Variants in TBPL1 observed in about 807,000 individuals in gnomAD.
The protein encoded by TBPL1 is TATA box-binding protein-like 1.
Under a neutral mutation model 22.1 loss-of-function variants are expected in TBPL1, and 4 were observed. That is an observed-to-expected ratio of 0.18 (90% CI 0.09 to 0.41). TBPL1 has a LOEUF of 0.41. TBPL1 is among the 10% of genes least tolerant of loss of function. The probability of loss-of-function intolerance (pLI) is 1.00; values close to 1 mark genes in which losing one functional copy is unlikely to be tolerated. For missense variants in TBPL1, 115 were observed against 222.3 expected, an observed-to-expected ratio of 0.52 and a Z score of 3.07; for synonymous variants, 64 against 71.0, an observed-to-expected ratio of 0.90 and a Z score of 0.50.
At chr6:133,964,603 C>T (rs1050683134) in intron 1 of TBPL1, among the ~76,000 whole-genome samples, 5 of 151,730 alleles carry the variant, frequency 3.3e-5, no homozygotes, top group African/African-American at 1.2e-4. Flanking sequence ...GTGCCTGCCA[C>T]CACTCCAGGC....
intron 1 of TBPL1, among the ~76,000 whole-genome samples, chr6:133,970,806 G>T (rs1776207045): frequency 6.6e-6 from 1 of 151,942 alleles, no homozygotes; most frequent in South Asian, 2.1e-4. Context: ...TATCTGTGTT[G>T]CCCAGGCTGG....
At chr6:133,962,599 A>G (rs1776043523) in intron 1 of TBPL1, among the ~76,000 whole-genome samples, 1 of 152,224 alleles carries the variant, frequency 6.6e-6, no homozygotes, top group African/African-American at 2.4e-5. Flanking sequence ...TTTAATAGAT[A>G]TGCCTAATAG....
chr6:133,976,231 A>C (rs1190898480), intron 1 of TBPL1, among the ~76,000 whole-genome samples: 1 of 152,218 alleles, frequency 6.6e-6, no homozygotes, highest in South Asian at 2.1e-4. Context: ...AATTAAACGA[A>C]ATAATTTGGA....
At chr6:133,978,310 G>A (rs1293762644) in intron 1 of TBPL1, among the ~76,000 whole-genome samples, 3 of 152,146 alleles carry the variant, frequency 2.0e-5, no homozygotes, top group Non-Finnish European at 4.4e-5. Flanking sequence ...TATATGCTAA[G>A]TACTTTTCAT....
intron 2 of TBPL1, 21 bp downstream of exon 2, chr6:133,980,281 A>G (rs1431754703): frequency 1.9e-6 from 3 of 1,592,438 alleles, no homozygotes; most frequent in Non-Finnish European, 8.5e-7. Context: ...GAGTTTTCGT[A>G]TTTGTACTAC....
intron 1 of TBPL1, among the ~76,000 whole-genome samples, chr6:133,957,609 G>A (rs537587774): frequency 6.6e-6 from 1 of 152,294 alleles, no homozygotes; most frequent in Non-Finnish European, 1.5e-5. Flanking sequence ...AATCAGTTAC[G>A]TTTTCTTGAG....
chr6:133,985,319 T>A lies in TBPL1; in HGVS notation c.481+648T>A, dbSNP rs1226522714. Among the ~76,000 whole-genome samples the A allele has an allele frequency of 9.4e-3, 536 of 57,060 alleles. 76 individuals carry two copies. The highest frequency in any genetic ancestry group is 0.014 in the Non-Finnish European group (330 of 23,030). The allele number at this position is 57,060 out of a possible 152,430, so 37.4% of individuals were successfully genotyped here. On this transcript the variant is annotated intron_variant, in intron 6 of 6. Coordinates refer to ENST00000237264, the MANE Select transcript of TBPL1 (RefSeq NM_004865.4). ...AAAAATATATATATATATATATATATATATATATATATATATATACACACA... is the reference window on the plus strand; with the variant it reads ...AAAAATATATATATATATATATATAAATATATATATATATATATACACACA...
chr6:133,961,653 A>G (rs1490050454), intron 1 of TBPL1, among the ~76,000 whole-genome samples: 2 of 151,670 alleles, frequency 1.3e-5, no homozygotes, highest in Non-Finnish European at 2.9e-5. Context: ...TTTAGTAGAG[A>G]TGGGGTTTCA....
Position 133,988,595 on chromosome 6 carries a change from T to C in TBPL1, c.*1555T>C, listed in dbSNP as rs1247387281. 1 of 152,214 alleles carries C rather than the reference T, an allele frequency of 6.6e-6. No individual in the cohort carries two copies. Among genetic ancestry groups the C allele is most frequent in the Non-Finnish European group, 1.5e-5 (1 of 68,038 alleles). The allele number at this position is 152,214 out of a possible 1,614,324, so 9.4% of individuals were successfully genotyped here. On this transcript the variant is annotated 3_prime_UTR_variant, in exon 7 of 7. Coordinates refer to ENST00000237264, the MANE Select transcript of TBPL1 (RefSeq NM_004865.4). Reference sequence around the variant, plus strand: ...TAGGCACTGCACTGAACAACACATATTATTTTTATCTTTTTTCTTCTCAAT... The same window carrying C: ...TAGGCACTGCACTGAACAACACATACTATTTTTATCTTTTTTCTTCTCAAT...
At chr6:133,971,785 C>A (rs946518379) in intron 1 of TBPL1, among the ~76,000 whole-genome samples, 1 of 151,876 alleles carries the variant, frequency 6.6e-6, no homozygotes, top group African/African-American at 2.4e-5. Context: ...CAGATTATTT[C>A]TTTTGCTGAG....
At chr6:133,958,610 G>A (rs1396022262) in intron 1 of TBPL1, among the ~76,000 whole-genome samples, 2 of 152,160 alleles carry the variant, frequency 1.3e-5, no homozygotes, top group Admixed American at 6.5e-5. Flanking sequence ...AAGTCCAAAT[G>A]TTTTAGTTTA....
At chr6:133,982,938 T>C (rs1273965833) in intron 4 of TBPL1, 58 bp downstream of exon 4, 2 of 1,473,596 alleles carry the variant, frequency 1.4e-6, no homozygotes, top group African/African-American at 1.4e-5. Flanking sequence ...TTTTATAGAA[T>C]TAAAAATTGT....
At chr6:133,983,544 C>T (rs888485508) in intron 4 of TBPL1, among the ~76,000 whole-genome samples, 6 of 152,138 alleles carry the variant, frequency 3.9e-5, no homozygotes, top group African/African-American at 1.4e-4. Flanking sequence ...AGAGACTGAA[C>T]GGCTGGTGGG....
chr6:133,967,056 T>C (rs941829624), intron 1 of TBPL1, among the ~76,000 whole-genome samples: 1 of 152,216 alleles, frequency 6.6e-6, no homozygotes, highest in Non-Finnish European at 1.5e-5. Flanking sequence ...TCTAGCCTAG[T>C]CTTATGCCAC....
At chr6:133,979,067 G>A (rs1421195504) in intron 1 of TBPL1, among the ~76,000 whole-genome samples, 1 of 152,144 alleles carries the variant, frequency 6.6e-6, no homozygotes, top group Admixed American at 6.5e-5. Flanking sequence ...AATCATAGGA[G>A]TCTCGGCAAA....
At chr6:133,976,005 C>G (rs1473619603) in intron 1 of TBPL1, among the ~76,000 whole-genome samples, 1 of 152,058 alleles carries the variant, frequency 6.6e-6, no homozygotes, top group Non-Finnish European at 1.5e-5. Context: ...GGTGGAGTTG[C>G]TTAAACACAT....
intron 6 of TBPL1, among the ~76,000 whole-genome samples, chr6:133,986,314 GTTTCTTTTT>G (rs1232361801): frequency 6.6e-6 from 1 of 152,138 alleles, no homozygotes; most frequent in Non-Finnish European, 1.5e-5. Flanking sequence ...CCTTTTTTAT[GTTTCTTTTT>G]AGCGATTTAA....
chr6:133,962,659 G>T (rs1216994544), intron 1 of TBPL1, among the ~76,000 whole-genome samples: 1 of 152,194 alleles, frequency 6.6e-6, no homozygotes, highest in African/African-American at 2.4e-5. Flanking sequence ...ATAGATGTAG[G>T]AGCCAGCCAT....
intron 6 of TBPL1, 168 bp downstream of exon 6, chr6:133,984,839 C>T (rs186037485): frequency 1.0e-5 from 6 of 587,368 alleles, no homozygotes; most frequent in Non-Finnish European, 1.8e-5. Context: ...TACTTTTGTA[C>T]TATTTATAAA....
Sources: allele counts gnomAD v4.1 joint callset (sites outside exome capture counted in the v4.1 genomes callset), GRCh38; gene constraint gnomAD v4.1.1; transcripts MANE v1.5; gene names NCBI Gene and HGNC (gene_info 2026-07-23, HGNC 2026-07-21).